PLBD1: variants seen among roughly 807,000 people sequenced by gnomAD.
The protein encoded by PLBD1 is lysosomal leucine aminopeptidase.
A neutral mutation model predicts 63.0 loss-of-function variants in PLBD1; 60 were observed. The ratio of observed to expected loss-of-function variants is 0.95; its 90% CI spans 0.77 to 1.18. The LOEUF is 1.18. PLBD1 is among the 50% of genes most tolerant of loss of function. The pLI is 0.00. For missense variants in PLBD1, 598 were observed against 677.9 expected (o/e 0.88, Z 1.31); for synonymous variants, 262 against 248.0 (o/e 1.06, Z -0.53).
chr12:14,556,898 C>T (rs934969311), intron 1 of PLBD1, among the ~76,000 whole-genome samples: 5 of 145,766 alleles, frequency 3.4e-5, no homozygotes, highest in Admixed American at 2.8e-4. Context: ...GCAGGAGAAT[C>T]GCTTGAACCT....
chr12:14,525,899 C>T (rs1945412655), intron 6 of PLBD1, among the ~76,000 whole-genome samples: 1 of 152,090 alleles, frequency 6.6e-6, no homozygotes, highest in South Asian at 2.1e-4. Context: ...TTTTAGCAGA[C>T]ATAATTGCTT....
chr12:14,556,078 CTCTG>C (rs1358698353), intron 1 of PLBD1, among the ~76,000 whole-genome samples: 3 of 152,186 alleles, frequency 2.0e-5, no homozygotes, highest in Admixed American at 2.0e-4. Flanking sequence ...GTGTTCTTTT[CTCTG>C]TCTGAGAAGC....
In PLBD1 at chr12:14,523,497, C is replaced by A. The variant is rs188635150; in HGVS notation, c.845-11786G>T. 1.4e-3 allele frequency among the ~76,000 whole-genome samples: 210 copies of A among 152,168 alleles called. 2 individuals carry two copies. Among genetic ancestry groups the A allele is most frequent in the Admixed American group, 6.7e-3 (103 of 15,284 alleles). ...AAAAAATCTTTAAATGTGTATGGAA[C>A]CTCAAAAGACCCCAAATAGTCAAAG... On this transcript the variant is annotated intron_variant, in intron 6 of 10. Transcript: ENST00000240617.
chr12:14,542,837 G>A (rs1201117687), intron 2 of PLBD1, among the ~76,000 whole-genome samples: 1 of 151,918 alleles, frequency 6.6e-6, no homozygotes, highest in Non-Finnish European at 1.5e-5. Context: ...CACAAGGTCA[G>A]GAGATCGAGA....
chr12:14,518,734 T>C (rs1164839598), intron 6 of PLBD1, among the ~76,000 whole-genome samples: 1 of 152,172 alleles, frequency 6.6e-6, no homozygotes. Flanking sequence ...ATTCAATGAT[T>C]ATAATATGCA....
In PLBD1 at chr12:14,550,874, G is replaced by A. The variant is rs541289938; in HGVS notation, c.335+2319C>T. On this transcript the variant is annotated intron_variant, in intron 2 of 10. Transcript: ENST00000240617. Reference sequence around the variant, plus strand: ...GCCTGGGCAGCAAGAGTGAAACTCCGTCTCAAAAAAAAAAAAAAATTATTT... The same window carrying A: ...GCCTGGGCAGCAAGAGTGAAACTCCATCTCAAAAAAAAAAAAAAATTATTT... Among the ~76,000 whole-genome samples, 306 of 146,830 alleles carry A rather than the reference G, an allele frequency of 2.1e-3. 2 individuals carry two copies. The highest frequency in any genetic ancestry group is 3.2e-3 in the Non-Finnish European group (215 of 66,608).
At chr12:14,508,595 C>G (rs1945272323) in intron 8 of PLBD1, among the ~76,000 whole-genome samples, 1 of 152,022 alleles carries the variant, frequency 6.6e-6, no homozygotes, top group East Asian at 1.9e-4. Context: ...ATGGCAAGAC[C>G]CTGCCTCCAC....
At chr12:14,519,916 T>C (rs1170642790) in intron 6 of PLBD1, among the ~76,000 whole-genome samples, 1 of 152,190 alleles carries the variant, frequency 6.6e-6, no homozygotes, top group Non-Finnish European at 1.5e-5. Flanking sequence ...CAAAGTCTAG[T>C]ATTGCAGAAC....
intron 1 of PLBD1, among the ~76,000 whole-genome samples, chr12:14,562,610 G>T (rs982384740): frequency 6.6e-6 from 1 of 151,916 alleles, no homozygotes; most frequent in Non-Finnish European, 1.5e-5. Flanking sequence ...GTAGTAAAAA[G>T]AAGCTCCGTA....
intron 8 of PLBD1, among the ~76,000 whole-genome samples, chr12:14,510,122 A>G (rs1945285252): frequency 6.6e-6 from 1 of 152,184 alleles, no homozygotes; most frequent in Non-Finnish European, 1.5e-5. Flanking sequence ...GGAAATAAAG[A>G]CAATTTAAAA....
At chr12:14,524,361 C>T (rs1427706823) in intron 6 of PLBD1, among the ~76,000 whole-genome samples, 1 of 152,016 alleles carries the variant, frequency 6.6e-6, no homozygotes, top group Non-Finnish European at 1.5e-5. Flanking sequence ...TTCTAAATAC[C>T]ATGATTTGTT....
intron 4 of PLBD1, among the ~76,000 whole-genome samples, chr12:14,538,590 T>C (rs193073083): frequency 6.6e-6 from 1 of 152,360 alleles, no homozygotes; most frequent in East Asian, 1.9e-4. Context: ...TTCTAGTCTT[T>C]TGATATTGTA....
intron 6 of PLBD1, among the ~76,000 whole-genome samples, chr12:14,515,605 A>G (rs950312501): frequency 1.3e-5 from 2 of 152,198 alleles, no homozygotes; most frequent in Non-Finnish European, 2.9e-5. Context: ...AAGAGGTAAC[A>G]TGACATTAAT....
intron 6 of PLBD1, among the ~76,000 whole-genome samples, chr12:14,525,725 A>ACACACACTT (rs57220320): frequency 1.3e-5 from 2 of 151,760 alleles, no homozygotes; most frequent in African/African-American, 4.9e-5. Flanking sequence ...GCACACACAC[A>ACACACACTT]CTTGTTTTAA....
In PLBD1 at chr12:14,553,289, C is replaced by T; in HGVS notation, c.239G>A (p.Gly80Asp). The change falls in exon 2 of 11, where the codon GGC becomes GAC. Residue 80 changes from glycine to aspartate, a missense_variant. Coordinates refer to ENST00000240617, the MANE Select transcript of PLBD1 (RefSeq NM_024829.6). ...ATAGCCAGCTCTGATCTCCAGGATG[C>T]CCCAGCCTGTGGTTTTCACAGAGTT... ...YNNSVKTTGW[G>D]ILEIRAGYGS... 1.2e-6 allele frequency: 2 copies of T among 1,614,186 alleles called. No individual in the cohort carries two copies. The highest frequency in any genetic ancestry group is 1.7e-6 in the Non-Finnish European group (2 of 1,180,026).
chr12:14,527,898 A>G (rs780349985), intron 6 of PLBD1, among the ~76,000 whole-genome samples: 43 of 152,190 alleles, frequency 2.8e-4, no homozygotes, highest in Middle Eastern at 6.8e-3. Context: ...TTATATTAAT[A>G]TAAGACAATG....
intron 1 of PLBD1, among the ~76,000 whole-genome samples, chr12:14,562,807 C>G (rs915764061): frequency 6.6e-6 from 1 of 152,144 alleles, no homozygotes; most frequent in Non-Finnish European, 1.5e-5. Context: ...GGTACCACTA[C>G]CTCTTTTATT....
chr12:14,560,534 G>T (rs1395083639), intron 1 of PLBD1, among the ~76,000 whole-genome samples: 1 of 152,184 alleles, frequency 6.6e-6, no homozygotes, highest in Non-Finnish European at 1.5e-5. Context: ...TGCTCGGCTA[G>T]TCTCTCAGTA....
chr12:14,528,604 A>G (rs1396241120), intron 6 of PLBD1, among the ~76,000 whole-genome samples: 1 of 152,162 alleles, frequency 6.6e-6, no homozygotes, highest in Non-Finnish European at 1.5e-5. Context: ...TTATTGGAAA[A>G]TTTATCATTT....
Sources: gnomAD v4.1 joint callset for allele counts (sites outside exome capture counted in the v4.1 genomes callset) on GRCh38, gnomAD v4.1.1 for gene constraint, MANE v1.5 for transcripts, NCBI Gene and HGNC (gene_info 2026-07-23, HGNC 2026-07-21) for gene names.